PCDHA1: variants seen among roughly 807,000 people sequenced by gnomAD.
PCDHA1 encodes protocadherin alpha 1.
PCDHA1 carries 42 observed loss-of-function variants against 61.3 expected under a neutral mutation model. The ratio of observed to expected loss-of-function variants is 0.69; its 90% CI spans 0.54 to 0.89. PCDHA1 has a LOEUF of 0.89. PCDHA1 is among the 40% of genes least tolerant of loss of function. The probability of loss-of-function intolerance (pLI) is 0.00; values close to 1 mark genes in which losing one functional copy is unlikely to be tolerated. For missense variants in PCDHA1, 1,256 were observed against 1,235.3 expected (o/e 1.02, Z -0.25); for synonymous variants, 610 against 553.8 (o/e 1.10, Z -1.43).
chr5:140,823,906 G>T (rs2150130181), intron 1 of PCDHA1: 3 of 1,613,906 alleles, frequency 1.9e-6, no homozygotes, highest in East Asian at 2.2e-5. Context: ...CAGCCTGCTG[G>T]TGCTCACGCT....
rs782332920 is a variant in PCDHA1 at position 140,856,198 on chromosome 5, C to T, written c.2394+67514C>T. 1.9e-6 allele frequency: 3 copies of T among 1,597,984 alleles called. No homozygotes were observed. In the East Asian group the frequency reaches 6.7e-5, roughly 36 times the overall value. On this transcript the variant is annotated intron_variant, in intron 1 of 3. Transcript: ENST00000504120. ...CCTTCGTGGGCCGCATCGCGCAGGA[C>T]CTGGGGCTGGAGCTGGCGGAGCTGG...
intron 1 of PCDHA1, chr5:140,870,054 T>G (rs895309313): frequency 1.2e-6 from 2 of 1,613,676 alleles, no homozygotes; most frequent in Non-Finnish European, 8.5e-7. Context: ...TTTATAAAAT[T>G]GAAGTACAGG....
rs1186272048 is a variant in PCDHA1, at chr5:140,851,988, ATTTG to A, written c.2394+63312_2394+63315del. ...CCACACTCTACCTTTAGTGCAAGCT[ATTTG>A]TTTGTTTTCTAATTTATAGTTTTAA... On this transcript the variant is annotated intron_variant, in intron 1 of 3. Coordinates refer to ENST00000504120, the MANE Select transcript of PCDHA1 (RefSeq NM_018900.4). The A allele has an allele frequency of 2.0e-6, 2 of 975,736 alleles. 1 individual carries two copies. Among genetic ancestry groups the A allele is most frequent in the African/African-American group, 3.5e-5 (2 of 56,556 alleles). 60.4% of individuals were successfully genotyped at this position (975,736 alleles called of 1,614,324 possible).
intron 1 of PCDHA1, among the ~76,000 whole-genome samples, chr5:140,948,168 T>G (rs1217978838): frequency 6.6e-6 from 1 of 151,636 alleles, no homozygotes; most frequent in Non-Finnish European, 1.5e-5. Flanking sequence ...AACCTTCCAT[T>G]CCTAGGGTAA....
intron 1 of PCDHA1, among the ~76,000 whole-genome samples, chr5:140,924,896 AAAAAAAAAATAAAATAAAAT>A (rs1488372568): frequency 0.024 from 1,693 of 69,132 alleles, 31 homozygotes; most frequent in African/African-American, 0.08. Context: ...ACCTGTCTCA[AAAAAAAAAATAAAATAAAAT>A]AAAATAAAAT....
intron 1 of PCDHA1, chr5:140,929,246 C>A: frequency 6.2e-7 from 1 of 1,613,738 alleles, no homozygotes; most frequent in Non-Finnish European, 8.5e-7. Flanking sequence ...AATCTTGCCA[C>A]TGGGGTAGGA....
intron 1 of PCDHA1, among the ~76,000 whole-genome samples, chr5:140,820,831 T>G (rs1040425267): frequency 6.6e-6 from 1 of 152,078 alleles, no homozygotes; most frequent in South Asian, 2.1e-4. Context: ...GCTTTATCAG[T>G]AATAGCAACT....
At chr5:140,931,977 T>G (rs1207911799) in intron 1 of PCDHA1, among the ~76,000 whole-genome samples, 2 of 151,978 alleles carry the variant, frequency 1.3e-5, no homozygotes, top group Non-Finnish European at 2.9e-5. Flanking sequence ...TATGTGTTTA[T>G]ATTTTGCTCA....
intron 1 of PCDHA1, among the ~76,000 whole-genome samples, chr5:140,887,248 C>T (rs1232310514): frequency 6.6e-6 from 1 of 152,046 alleles, no homozygotes; most frequent in Non-Finnish European, 1.5e-5. Flanking sequence ...CGGCGCCCGC[C>T]ACCACGCCCT....
chr5:140,936,593 C>T (rs1475903432), intron 1 of PCDHA1, among the ~76,000 whole-genome samples: 1 of 152,168 alleles, frequency 6.6e-6, no homozygotes, highest in African/African-American at 2.4e-5. Context: ...GTTAGATTGC[C>T]TACTTTCCTC....
At chr5:140,849,664 C>A (rs2150444192) in intron 1 of PCDHA1, 1 of 1,598,668 alleles carries the variant, frequency 6.3e-7, no homozygotes, top group African/African-American at 1.3e-5. Context: ...TGCTCCCTGA[C>A]GCCCCACGTC....
At position 140,966,247 on chromosome 5, in the gene PCDHA1, A is replaced by G. The variant is rs145363912; in HGVS notation, c.2395-12702A>G. 739 of 318,152 alleles carry G rather than the reference A, an allele frequency of 2.3e-3. 16 individuals are homozygous for G. In the Admixed American group the frequency reaches 0.033, roughly 14 times the overall value. 19.7% of individuals were successfully genotyped at this position (318,152 alleles called of 1,614,324 possible). On this transcript the variant is annotated intron_variant, in intron 1 of 3. Coordinates refer to ENST00000504120, the MANE Select transcript of PCDHA1 (RefSeq NM_018900.4). ...TCCTTAAAGACCCGTTAAGCAGGGGAGAGACGGTGGAGACTGGATGAACTG... is the reference window on the plus strand; with the variant it reads ...TCCTTAAAGACCCGTTAAGCAGGGGGGAGACGGTGGAGACTGGATGAACTG...
intron 1 of PCDHA1, chr5:140,843,873 T>C (rs1554140466): frequency 1.3e-6 from 1 of 797,276 alleles, no homozygotes; most frequent in Admixed American, 3.0e-5. Context: ...ATTTTCTCAG[T>C]GGCATAATAC....
chr5:140,884,158 G>A (rs376345503), intron 1 of PCDHA1: 8 of 1,613,488 alleles, frequency 5.0e-6, no homozygotes, highest in African/African-American at 1.3e-5. Context: ...ACACTGGCGA[G>A]ATCAGCACGA....
chr5:140,846,564 C>T (rs2150392370), intron 1 of PCDHA1, among the ~76,000 whole-genome samples: 5 of 147,896 alleles, frequency 3.4e-5, no homozygotes, highest in African/African-American at 5.0e-5. Context: ...TTAGTAGAGT[C>T]GGGGTTTCAC....
At chr5:140,847,557 T>A (rs1457582246) in intron 1 of PCDHA1, 2 of 149,266 alleles carry the variant, frequency 1.3e-5, no homozygotes, top group Non-Finnish European at 3.0e-5. Context: ...AAAACAGAAA[T>A]TGCCCCGAGT....
In PCDHA1 at chr5:140,805,555, AG is replaced by A. The variant is rs1181654207; in HGVS notation, c.2394+16873del. 1.2e-5 allele frequency: 12 copies of A among 976,848 alleles called. No individual in the cohort carries two copies. The African/African-American group carries it at 2.1e-4, about 17-fold the overall frequency. 60.5% of individuals were successfully genotyped at this position (976,848 alleles called of 1,614,324 possible). A position where few individuals can be genotyped will look rare whatever the true frequency, so the allele number is the denominator to read the frequency against. On this transcript the variant is annotated intron_variant, in intron 1 of 3. Transcript: ENST00000504120. ...ATGAAAATAACTTTATGGATATAGG[AG>A]GCAAGGAAAGTTTTTAAATGGCTAC...
chr5:140,875,335 C>A, intron 1 of PCDHA1: 2 of 1,438,768 alleles, frequency 1.4e-6, no homozygotes, highest in East Asian at 2.5e-5. Context: ...GGAATAGGAT[C>A]GACTCCATAA....
chr5:140,960,293 T>C (rs990761387), intron 1 of PCDHA1, among the ~76,000 whole-genome samples: 5 of 152,174 alleles, frequency 3.3e-5, no homozygotes, highest in Non-Finnish European at 7.3e-5. Flanking sequence ...ACCCAGTTTC[T>C]TCATCAATAC....
Sources: allele counts gnomAD v4.1 joint callset (sites outside exome capture counted in the v4.1 genomes callset), GRCh38; gene constraint gnomAD v4.1.1; transcripts MANE v1.5; gene names NCBI Gene and HGNC (gene_info 2026-07-23, HGNC 2026-07-21).